The following UST variants were observed in gnomAD, a reference collection of about 807,000 sequenced individuals.
UST encodes the protein chondroitin sulfate 2-O-sulfotransferase.
UST carries 21 observed loss-of-function variants against 45.6 expected under a neutral mutation model. That is an observed-to-expected ratio of 0.46 (90% CI 0.33 to 0.66). The LOEUF is 0.66. Among genes scored for constraint, UST ranks in the 30% least tolerant of loss-of-function variants. UST has a pLI of 0.02. For missense variants in UST, 463 were observed against 512.4 expected (o/e 0.90, Z 0.93); for synonymous variants, 215 against 200.6 (o/e 1.07, Z -0.61).
At chr6:148,799,132 A>G (rs1483310514) in intron 1 of UST, among the ~76,000 whole-genome samples, 2 of 152,132 alleles carry the variant, frequency 1.3e-5, no homozygotes, top group African/African-American at 4.8e-5. Flanking sequence ...GGCCTCCCAA[A>G]GTGCTGGGAT....
chr6:148,911,401 T>C (rs1422709982), intron 2 of UST, among the ~76,000 whole-genome samples: 2 of 152,174 alleles, frequency 1.3e-5, no homozygotes, highest in African/African-American at 4.8e-5. Flanking sequence ...CCACTAGACC[T>C]TTTCCTAGGG....
At chr6:148,835,659 G>A (rs1247623365) in intron 1 of UST, among the ~76,000 whole-genome samples, 2 of 152,118 alleles carry the variant, frequency 1.3e-5, no homozygotes, top group African/African-American at 4.8e-5. Context: ...ACCAAGCCAG[G>A]CATCCCTGGC....
At chr6:148,860,385 G>T (rs1778287321) in intron 1 of UST, among the ~76,000 whole-genome samples, 1 of 152,196 alleles carries the variant, frequency 6.6e-6, no homozygotes, top group Non-Finnish European at 1.5e-5. Context: ...TCAGCTTAAG[G>T]AGATTTTGGG....
intron 1 of UST, among the ~76,000 whole-genome samples, chr6:148,751,093 C>G (rs1775981723): frequency 6.6e-6 from 1 of 152,148 alleles, no homozygotes; most frequent in Non-Finnish European, 1.5e-5. Context: ...AATTTGAGAA[C>G]CATTGTTGTT....
chr6:148,896,250 A>T (rs1779126880), intron 2 of UST, among the ~76,000 whole-genome samples: 1 of 152,226 alleles, frequency 6.6e-6, no homozygotes, highest in Admixed American at 6.5e-5. Context: ...GAGAAAAATG[A>T]ATTTCTTGTT....
intron 3 of UST, among the ~76,000 whole-genome samples, chr6:148,946,968 AC>A (rs1379021495): frequency 1.3e-5 from 2 of 151,244 alleles, no homozygotes; most frequent in Non-Finnish European, 2.9e-5. Flanking sequence ...ATATTAGTGC[AC>A]CCTATTTCTA....
intron 2 of UST, among the ~76,000 whole-genome samples, chr6:148,895,176 CCTT>C (rs1779101825): frequency 6.6e-6 from 1 of 152,068 alleles, no homozygotes; most frequent in Non-Finnish European, 1.5e-5. Flanking sequence ...TTCCCCCCAA[CCTT>C]CTTTCTTCAC....
At chr6:148,785,788 G>C (rs1000534706) in intron 1 of UST, among the ~76,000 whole-genome samples, 1 of 152,140 alleles carries the variant, frequency 6.6e-6, no homozygotes, top group Non-Finnish European at 1.5e-5. Context: ...CTTAGGAAAA[G>C]AATACACTCT....
At position 149,044,896 on chromosome 6, in the gene UST, A is replaced by G. The variant is rs1353595056; in HGVS notation, c.937+23415A>G. On this transcript the variant is annotated intron_variant, in intron 7 of 7. Coordinates refer to ENST00000367463, the MANE Select transcript of UST (RefSeq NM_005715.3). ...AACACTTGCAAAGTGGAATCCACCC[A>G]AGAGAAAAAGGCCAATATGCCAGCA... Among the ~76,000 whole-genome samples, 5 of 152,260 alleles carry G rather than the reference A, an allele frequency of 3.3e-5. No individual in the cohort carries two copies. The East Asian group carries it at 9.6e-4, about 29-fold the overall frequency.
intron 5 of UST, among the ~76,000 whole-genome samples, chr6:149,016,804 G>C (rs1664462536): frequency 6.6e-6 from 1 of 152,176 alleles, no homozygotes; most frequent in African/African-American, 2.4e-5. Context: ...GACCTCAGCA[G>C]ATGAACACTG....
rs1043627671 is a variant in UST at position 149,041,938 on chromosome 6, A to G, written c.937+20457A>G. Among the ~76,000 whole-genome samples, 5 of 152,384 alleles carry G rather than the reference A, an allele frequency of 3.3e-5. No individual in the cohort carries two copies. The South Asian group carries it at 1.0e-3, about 32-fold the overall frequency. On this transcript the variant is annotated intron_variant, in intron 7 of 7. Transcript: ENST00000367463. ...GAATACAATATATTGACAGCTGACA[A>G]TAACACAATTTGTCCTTCCCAGGGG...
chr6:148,858,508 T>G (rs991489607), intron 1 of UST, among the ~76,000 whole-genome samples: 1 of 151,792 alleles, frequency 6.6e-6, no homozygotes, highest in African/African-American at 2.4e-5. Context: ...TTTTTTTTTT[T>G]TAATTATACT....
intron 1 of UST, among the ~76,000 whole-genome samples, chr6:148,777,279 A>G (rs1189030472): frequency 6.6e-6 from 1 of 152,218 alleles, no homozygotes; most frequent in Non-Finnish European, 1.5e-5. Context: ...CTACATAAGC[A>G]AGCCTGATGG....
intron 5 of UST, among the ~76,000 whole-genome samples, chr6:148,974,552 G>A (rs1451928933): frequency 6.6e-6 from 1 of 152,210 alleles, no homozygotes; most frequent in Non-Finnish European, 1.5e-5. Flanking sequence ...TGGGAAAGCA[G>A]CCAGGAATAA....
chr6:148,769,331 A>C (rs1336464689), intron 1 of UST, among the ~76,000 whole-genome samples: 1 of 152,290 alleles, frequency 6.6e-6, no homozygotes, highest in African/African-American at 2.4e-5. Flanking sequence ...AAGGCCAACA[A>C]GATGGACCAG....
intron 7 of UST, among the ~76,000 whole-genome samples, chr6:149,055,186 CTAGAATG>C (rs1302782116): frequency 6.6e-6 from 1 of 152,090 alleles, no homozygotes; most frequent in East Asian, 1.9e-4. Context: ...TATGGTTTTG[CTAGAATG>C]TAGGAGCAAT....
chr6:148,965,875 C>CT (rs1780782589), intron 5 of UST, among the ~76,000 whole-genome samples: 1 of 108,924 alleles, frequency 9.2e-6, no homozygotes, highest in South Asian at 2.9e-4. Flanking sequence ...GTGGCTTTTC[C>CT]CTTTTTTTTT....
At chr6:149,024,635 G>C (rs1471924275) in intron 7 of UST, among the ~76,000 whole-genome samples, 1 of 152,176 alleles carries the variant, frequency 6.6e-6, no homozygotes, top group Admixed American at 6.5e-5. Context: ...CCACAACTGA[G>C]TTGGTGTCAA....
At chr6:148,806,917 T>C (rs1293132417) in intron 1 of UST, among the ~76,000 whole-genome samples, 1 of 152,200 alleles carries the variant, frequency 6.6e-6, no homozygotes, top group Non-Finnish European at 1.5e-5. Flanking sequence ...AACCTATTCA[T>C]GAGGCCAGAG....
Sources: allele counts gnomAD v4.1 joint callset (sites outside exome capture counted in the v4.1 genomes callset), GRCh38; gene constraint gnomAD v4.1.1; transcripts MANE v1.5; gene names NCBI Gene and HGNC (gene_info 2026-07-23, HGNC 2026-07-21).